Variants in NF2 observed in about 807,000 individuals in gnomAD.
NF2 encodes NF2, moesin-ezrin-radixin like (MERLIN) tumor suppressor.
In NF2, 8 loss-of-function variants were observed where a neutral mutation model predicts 83.7. That is an observed-to-expected ratio of 0.10 (90% CI 0.06 to 0.17). The LOEUF (loss-of-function observed/expected upper bound fraction) is 0.17, where lower values mean the gene tolerates loss of function less well. Ranked by LOEUF, NF2 falls within the 10% of genes least tolerant of loss-of-function variation. NF2 has a pLI of 1.00. For synonymous variants in NF2, 266 were observed against 269.6 expected (o/e 0.99, Z 0.13); for missense variants, 533 against 744.4 (o/e 0.72, Z 3.31).
rs560526659 is a variant in NF2 at position 29,648,540 on chromosome 22, C to T, written c.448-6117C>T. ...GACGGGTGGAAGTGAGGAGACACAC[C>T]GCTGGCTGTTCCAGGTGGCTACTCC... On this transcript the variant is annotated intron_variant, in intron 4 of 15. Coordinates refer to ENST00000338641, the MANE Select transcript of NF2 (RefSeq NM_000268.4). 5.3e-5 allele frequency among the ~76,000 whole-genome samples: 8 copies of T among 152,308 alleles called. No individual in the cohort carries two copies. In the East Asian group the frequency reaches 5.8e-4, roughly 11 times the overall value.
chr22:29,689,177 CAAAAAAAAAAAA>C (rs140087), intron 15 of NF2, among the ~76,000 whole-genome samples: 8 of 89,290 alleles, frequency 9.0e-5, no homozygotes, highest in Admixed American at 2.5e-4. Context: ...GACTCCGTCT[CAAAAAAAAAAAA>C]AAAAAAAAAA....
rs1296989223 is a variant in NF2, at chr22:29,665,020, G to C, written c.841G>C (p.Asp281His). Residue 281 changes from aspartate (D) to histidine (H), a missense_variant, in exon 9 of 16, where the codon GAT becomes CAT. By Grantham distance (81) the Asp-to-His change is moderately conservative. This residue lies in a region of NF2 where 326 missense variants were observed against 475.1 expected (regional missense o/e 0.69). Transcript: ENST00000338641. ...TATTAAACCACTGGATAAGAAAATTGATGTCTTCAAGTTTAACTCCTCAAA... is the reference window on the plus strand; with the variant it reads ...TATTAAACCACTGGATAAGAAAATTCATGTCTTCAAGTTTAACTCCTCAAA... ...FTIKPLDKKI[D>H]VFKFNSSKLR... 1.9e-6 allele frequency: 3 copies of C among 1,613,748 alleles called. No individual in the cohort carries two copies. The highest frequency in any genetic ancestry group is 1.7e-6 in the Non-Finnish European group (2 of 1,179,702).
chr22:29,660,695 T>G (rs966515749), intron 7 of NF2, among the ~76,000 whole-genome samples: 3 of 152,204 alleles, frequency 2.0e-5, no homozygotes, highest in Non-Finnish European at 4.4e-5. Flanking sequence ...CCTGAGTAGC[T>G]GGGATTACAG....
chr22:29,608,399 C>T (rs1304843955), intron 1 of NF2, among the ~76,000 whole-genome samples: 1 of 150,620 alleles, frequency 6.6e-6, no homozygotes, highest in Non-Finnish European at 1.5e-5. Context: ...CTGCCTCAGC[C>T]ACCGCACAGT....
At chr22:29,691,870 G>A (rs370837183) in intron 15 of NF2, among the ~76,000 whole-genome samples, 2 of 152,234 alleles carry the variant, frequency 1.3e-5, no homozygotes, top group African/African-American at 2.4e-5. Context: ...GGCTCTCCTC[G>A]TCTCACTGCC....
intron 4 of NF2, among the ~76,000 whole-genome samples, chr22:29,649,353 G>T (rs1483576686): frequency 6.6e-6 from 1 of 152,170 alleles, no homozygotes; most frequent in African/African-American, 2.4e-5. Context: ...GGCTGAAGTG[G>T]GTGGATCACT....
At chr22:29,667,110 G>A (rs921337324) in intron 9 of NF2, among the ~76,000 whole-genome samples, 2 of 152,150 alleles carry the variant, frequency 1.3e-5, no homozygotes, top group African/African-American at 4.8e-5. Context: ...AAGGTGAATC[G>A]ATTTTTACAG....
intron 4 of NF2, among the ~76,000 whole-genome samples, chr22:29,646,904 C>T (rs375470096): frequency 1.4e-4 from 22 of 151,860 alleles, no homozygotes; most frequent in African/African-American, 4.6e-4. Context: ...ATTAGCCAGG[C>T]GTGGTGGTGT....
At chr22:29,663,911 A>G (rs1239663467) in intron 8 of NF2, among the ~76,000 whole-genome samples, 1 of 152,130 alleles carries the variant, frequency 6.6e-6, no homozygotes. Flanking sequence ...TAGTGGTCTA[A>G]CCCTAGGTTC....
rs2067602202 is a variant in NF2, at chr22:29,698,058, T to G, written c.*3256T>G. ...CCAGCTCATGATGTCCGTGAGGCTG[T>G]CCTTTTGGCCAGTAGCCGTGTGCAG... On this transcript the variant is annotated 3_prime_UTR_variant, in exon 16 of 16. Coordinates refer to ENST00000338641, the MANE Select transcript of NF2 (RefSeq NM_000268.4). The G allele has an allele frequency of 4.4e-6, 1 of 228,912 alleles. No individual in the cohort carries two copies. The highest frequency in any genetic ancestry group is 5.7e-5 in the Admixed American group (1 of 17,598). The allele number at this position is 228,912 out of a possible 1,614,324, so 14.2% of individuals were successfully genotyped here.
chr22:29,623,135 G>T (rs2065258826), intron 1 of NF2, among the ~76,000 whole-genome samples: 2 of 151,418 alleles, frequency 1.3e-5, no homozygotes, highest in African/African-American at 2.4e-5. Context: ...TGAAGAAATG[G>T]GATCCCGCTA....
intron 1 of NF2, among the ~76,000 whole-genome samples, chr22:29,623,214 G>T (rs1601553370): frequency 6.6e-6 from 1 of 152,240 alleles, no homozygotes; most frequent in East Asian, 1.9e-4. Flanking sequence ...CAAAGTGCTG[G>T]GATTACAGGC....
chr22:29,636,840 C>T lies in NF2; in HGVS notation c.204C>T (p.Ile68=), dbSNP rs747447569. Residue 68 remains isoleucine, a synonymous_variant, in exon 2 of 16, where the codon ATC becomes ATT. Transcript: ENST00000338641. The surrounding 1 kb of genome is among the most constrained non-coding windows in gnomAD (Gnocchi z 4.4). ...ETWFFGLQYT[I]KDTVAWLKMD... is the part of the protein sequence containing the mutation. ...GGTTCTTTGGACTGCAGTACACAAT[C>T]AAGGACACAGTGGCCTGGCTCAAAA... 8.7e-6 allele frequency: 14 copies of T among 1,614,180 alleles called. No homozygotes were observed. In the South Asian group the frequency reaches 1.5e-4, roughly 18 times the overall value.
At chr22:29,614,509 G>A (rs906025179) in intron 1 of NF2, among the ~76,000 whole-genome samples, 1 of 151,594 alleles carries the variant, frequency 6.6e-6, no homozygotes, top group African/African-American at 2.4e-5. Flanking sequence ...GTGAATCCAG[G>A]AGGTGGAGCT....
intron 15 of NF2, chr22:29,683,315 C>A (rs1270017468): frequency 2.8e-6 from 4 of 1,421,524 alleles, no homozygotes; most frequent in Admixed American, 5.7e-5. Flanking sequence ...TAGGACCAGC[C>A]ATTCTTCCCA....
intron 6 of NF2, among the ~76,000 whole-genome samples, chr22:29,656,034 G>A (rs1052781237): frequency 6.6e-6 from 1 of 151,732 alleles, no homozygotes; most frequent in African/African-American, 2.4e-5. Context: ...GACCTCCTGG[G>A]TTCAAGCAAA....
chr22:29,639,195 C>G lies in NF2; in HGVS notation c.346C>G (p.His116Asp), dbSNP rs2146872796. Reference protein sequence around the residue: ...EEELVQEITQHLFFLQVKKQI... With the variant: ...EEELVQEITQDLFFLQVKKQI... ...GGAGCTGGTTCAGGAGATCACACAACATTTATTCTTCTTACAGGTACATCA... is the reference window on the plus strand; with the variant it reads ...GGAGCTGGTTCAGGAGATCACACAAGATTTATTCTTCTTACAGGTACATCA... Residue 116 changes from histidine to aspartate, a missense_variant, in exon 3 of 16, where the codon CAT becomes GAT. His to Asp is a moderately conservative substitution (Grantham distance 81). Coordinates refer to ENST00000338641, the MANE Select transcript of NF2 (RefSeq NM_000268.4). 6.2e-7 allele frequency: 1 copy of G among 1,614,198 alleles called. No individual in the cohort carries two copies. The highest frequency in any genetic ancestry group is 8.5e-7 in the Non-Finnish European group (1 of 1,180,026).
At chr22:29,628,059 C>T (rs1334738438) in intron 1 of NF2, among the ~76,000 whole-genome samples, 4 of 152,044 alleles carry the variant, frequency 2.6e-5, no homozygotes, top group Middle Eastern at 3.4e-3. Flanking sequence ...TCATCAACAT[C>T]GTCAACCAAC....
At chr22:29,681,289 C>T (rs1219816431) in intron 14 of NF2, 150 bp from the exon 15 acceptor site, 5 of 842,350 alleles carry the variant, frequency 5.9e-6, no homozygotes, top group Non-Finnish European at 1.0e-5. Flanking sequence ...CCAGCCCAAG[C>T]TCCCATGGCC....
Sources: allele counts gnomAD v4.1 joint callset (sites outside exome capture counted in the v4.1 genomes callset), GRCh38; gene constraint gnomAD v4.1.1; regional missense constraint gnomAD v4.1.1; non-coding constraint Gnocchi (gnomAD v3.1); transcripts MANE v1.5; gene names NCBI Gene and HGNC (gene_info 2026-07-23, HGNC 2026-07-21).